Variants in WDR25 observed in about 807,000 individuals in gnomAD.
WDR25 encodes the protein WD repeat domain 25.
In WDR25, 35 loss-of-function variants were observed where a neutral mutation model predicts 47.7. That is an observed-to-expected ratio of 0.73 (90% confidence interval 0.56 to 0.97). The LOEUF is 0.97. WDR25 is among the 50% of genes least tolerant of loss of function. The pLI, the probability that WDR25 is intolerant of heterozygous loss-of-function variation, is 0.00. For synonymous variants in WDR25, 248 were observed against 278.9 expected, an observed-to-expected ratio of 0.89 and a Z score of 1.10; for missense variants, 634 against 704.7, an observed-to-expected ratio of 0.90 and a Z score of 1.14.
intron 4 of WDR25, among the ~76,000 whole-genome samples, chr14:100,496,114 T>C (rs1229970888): frequency 1.3e-5 from 2 of 152,230 alleles, no homozygotes; most frequent in Non-Finnish European, 2.9e-5. Context: ...CACCAGCACT[T>C]GTTCTTACTT....
intron 3 of WDR25, among the ~76,000 whole-genome samples, chr14:100,474,277 A>T (rs1039995313): frequency 6.6e-6 from 1 of 152,266 alleles, no homozygotes; most frequent in African/African-American, 2.4e-5. Flanking sequence ...CTAGTTACGG[A>T]TATTAAATCA....
chr14:100,516,214 C>T (rs911246679), intron 4 of WDR25, among the ~76,000 whole-genome samples: 1 of 152,072 alleles, frequency 6.6e-6, no homozygotes, highest in Non-Finnish European at 1.5e-5. Flanking sequence ...CAAAAACAGC[C>T]TTTAGACTAG....
chr14:100,471,975 T>C (rs185129037), intron 3 of WDR25, among the ~76,000 whole-genome samples: 3 of 152,334 alleles, frequency 2.0e-5, no homozygotes, highest in Non-Finnish European at 1.5e-5. Flanking sequence ...ACCAGGGCCC[T>C]GAGTGTCACC....
intron 2 of WDR25, among the ~76,000 whole-genome samples, chr14:100,465,448 A>G (rs747467402): frequency 6.6e-6 from 1 of 152,136 alleles, no homozygotes; most frequent in Non-Finnish European, 1.5e-5. Flanking sequence ...ATATAAGTGC[A>G]GTTATATAGT....
At chr14:100,512,497 C>A (rs900489950) in intron 4 of WDR25, among the ~76,000 whole-genome samples, 34 of 152,118 alleles carry the variant, frequency 2.2e-4, no homozygotes, top group Non-Finnish European at 7.4e-5. Context: ...TTACTCTGAT[C>A]AGTCTAGCTA....
At chr14:100,477,812 C>T (rs1900066630) in intron 3 of WDR25, among the ~76,000 whole-genome samples, 1 of 152,198 alleles carries the variant, frequency 6.6e-6, no homozygotes, top group South Asian at 2.1e-4. Context: ...TGTATCCCAG[C>T]CGGGCGCCGT....
intron 4 of WDR25, among the ~76,000 whole-genome samples, chr14:100,492,268 C>T (rs1900591554): frequency 6.6e-6 from 1 of 152,234 alleles, no homozygotes. Flanking sequence ...AAGTCTTAGG[C>T]AGAAGTGGGC....
intron 4 of WDR25, among the ~76,000 whole-genome samples, chr14:100,504,063 T>C (rs933321582): frequency 1.5e-4 from 23 of 152,352 alleles, no homozygotes; most frequent in African/African-American, 5.3e-4. Flanking sequence ...ATCCTACCCA[T>C]TTCCCAATAG....
intron 2 of WDR25, among the ~76,000 whole-genome samples, chr14:100,444,107 G>T (rs1055042869): frequency 1.3e-5 from 2 of 152,320 alleles, no homozygotes; most frequent in East Asian, 3.9e-4. Flanking sequence ...TCAGGATTCT[G>T]CAAGGGGTGG....
chr14:100,528,584 A>G (rs1236703237), intron 5 of WDR25, among the ~76,000 whole-genome samples: 1 of 151,784 alleles, frequency 6.6e-6, no homozygotes, highest in East Asian at 1.9e-4. Flanking sequence ...CTTTCTTTCT[A>G]TGAGGCTGCA....
chr14:100,404,072 A>C lies in WDR25; in HGVS notation c.822+22326A>C, dbSNP rs181849397. Among the ~76,000 whole-genome samples the C allele has an allele frequency of 6.6e-6, 1 of 152,290 alleles. No individual in the cohort carries two copies. The highest frequency in any genetic ancestry group is 6.5e-5 in the Admixed American group (1 of 15,308). On this transcript the variant is annotated intron_variant, in intron 2 of 6. Transcript: ENST00000402312. The surrounding 1 kb of genome is among the most constrained non-coding windows in gnomAD (Gnocchi z 4.6). ...AAGAGCTCAAGGTGGCTGCTCCCTG[A>C]CATTCACTTTTGGTAGCAATTAGAA...
At chr14:100,429,447 G>A (rs959550922) in intron 2 of WDR25, among the ~76,000 whole-genome samples, 1 of 152,072 alleles carries the variant, frequency 6.6e-6, no homozygotes, top group Non-Finnish European at 1.5e-5. Context: ...ATCTTATATC[G>A]GAGCCCACTG....
intron 2 of WDR25, among the ~76,000 whole-genome samples, chr14:100,447,781 G>C (rs1404835876): frequency 6.6e-6 from 1 of 152,240 alleles, no homozygotes; most frequent in Non-Finnish European, 1.5e-5. Context: ...TGCTGAATCA[G>C]GCTGTTAAAT....
intron 2 of WDR25, among the ~76,000 whole-genome samples, chr14:100,417,822 A>C (rs141347612): frequency 6.6e-6 from 1 of 152,062 alleles, no homozygotes; most frequent in Admixed American, 6.5e-5. Context: ...CTAGCCTTCC[A>C]TCGTTTCTGT....
At chr14:100,388,638 C>T (rs899274805) in intron 2 of WDR25, among the ~76,000 whole-genome samples, 2 of 152,138 alleles carry the variant, frequency 1.3e-5, no homozygotes, top group Non-Finnish European at 2.9e-5. Flanking sequence ...ATGTGAAAGC[C>T]GCGACATTTC....
At chr14:100,479,867 C>T (rs756201141) in intron 3 of WDR25, among the ~76,000 whole-genome samples, 33 of 151,980 alleles carry the variant, frequency 2.2e-4, no homozygotes, top group Non-Finnish European at 4.0e-4. Flanking sequence ...CGAACGGAGC[C>T]CTATTGTGAA....
At chr14:100,429,440 T>C (rs1898263864) in intron 2 of WDR25, among the ~76,000 whole-genome samples, 1 of 152,206 alleles carries the variant, frequency 6.6e-6, no homozygotes, top group African/African-American at 2.4e-5. Context: ...TCTGTTCATC[T>C]TATATCGGAG....
rs373100542 is a variant in WDR25 at position 100,407,223 on chromosome 14, T to A, written c.822+25477T>A. 6.6e-6 allele frequency: 1 copy of A among 152,356 alleles called. No homozygotes were observed. The highest frequency in any genetic ancestry group is 1.9e-4 in the East Asian group (1 of 5,192). 9.4% of individuals were successfully genotyped at this position (152,356 alleles called of 1,614,324 possible). On this transcript the variant is annotated intron_variant, in intron 2 of 6. Coordinates refer to ENST00000402312, the MANE Select transcript of WDR25 (RefSeq NM_001161476.3). This position sits in a 1 kb window ranked among gnomAD's most constrained non-coding sequence, Gnocchi z 4.1. ...CAGTTAATTTGCATTGTGTCCTATATTCCTGAAAAGTTGCTTTCAGATTCT... is the reference window on the plus strand; with the variant it reads ...CAGTTAATTTGCATTGTGTCCTATAATCCTGAAAAGTTGCTTTCAGATTCT...
chr14:100,482,911 C>T (rs141316059), intron 3 of WDR25, among the ~76,000 whole-genome samples: 6 of 152,340 alleles, frequency 3.9e-5, no homozygotes, highest in Admixed American at 2.6e-4. Context: ...CTTCCTCCTG[C>T]GCTGTGGGAG....
Sources: allele counts gnomAD v4.1 joint callset (sites outside exome capture counted in the v4.1 genomes callset), GRCh38; gene constraint gnomAD v4.1.1; non-coding constraint Gnocchi (gnomAD v3.1); transcripts MANE v1.5; gene names NCBI Gene and HGNC (gene_info 2026-07-23, HGNC 2026-07-21).